The following PIK3AP1 variants were observed in gnomAD, a reference collection of about 807,000 sequenced individuals.
PIK3AP1 encodes phosphoinositide-3-kinase adaptor protein 1.
A neutral mutation model predicts 88.1 loss-of-function variants in PIK3AP1; 21 were observed. The observed-to-expected ratio is 0.24, with a 90% CI of 0.17 to 0.34. The LOEUF (loss-of-function observed/expected upper bound fraction) is 0.34. Among genes scored for constraint, PIK3AP1 ranks in the 10% least tolerant of loss-of-function variants. The pLI is 1.00. For synonymous variants in PIK3AP1, 398 were observed against 400.0 expected, an observed-to-expected ratio of 1.00 and a Z score of 0.06; for missense variants, 828 against 1,035.7, an observed-to-expected ratio of 0.80 and a Z score of 2.75.
chr10:96,702,293 C>T lies in PIK3AP1; in HGVS notation c.430+7274G>A, dbSNP rs557805994. Among the ~76,000 whole-genome samples the T allele has an allele frequency of 5.9e-5, 9 of 152,142 alleles. No homozygotes were observed. The East Asian group carries it at 1.7e-3, about 29-fold the overall frequency. On this transcript the variant is annotated intron_variant, in intron 2 of 16. Coordinates refer to ENST00000339364, the MANE Select transcript of PIK3AP1 (RefSeq NM_152309.3). The stretch of plus-strand genomic sequence containing the variant: ...AGGCGGGAGGATCATGAGGTCAAGA[C>T]ATCGAGACCATCCTGGCCAACATGG...
chr10:96,609,119 G>A (rs1849059029), intron 14 of PIK3AP1, among the ~76,000 whole-genome samples: 1 of 152,222 alleles, frequency 6.6e-6, no homozygotes, highest in Non-Finnish European at 1.5e-5. Context: ...TGTAAAGTTG[G>A]AATGTTCAAA....
At chr10:96,617,792 C>A (rs1220772661) in intron 12 of PIK3AP1, among the ~76,000 whole-genome samples, 1 of 152,118 alleles carries the variant, frequency 6.6e-6, no homozygotes, top group Non-Finnish European at 1.5e-5. Context: ...CTGTGATGAG[C>A]ACAGAGAGGC....
Position 96,628,889 on chromosome 10 carries a change from C to CACACACACATATATAT in PIK3AP1, c.1376-397_1376-396insATATATATGTGTGTGT, listed in dbSNP as rs1554955372. ...ACATATATACACATATATATATATA[C>CACACACACATATATAT]ATATATATATATATATATGTGTATA... On this transcript the variant is annotated intron_variant, in intron 8 of 16. Coordinates refer to ENST00000339364, the MANE Select transcript of PIK3AP1 (RefSeq NM_152309.3). Among the ~76,000 whole-genome samples, 32 of 60,832 alleles carry CACACACACATATATAT rather than the reference C, an allele frequency of 5.3e-4. 1 individual carries two copies. The highest frequency in any genetic ancestry group is 1.7e-3 in the African/African-American group (29 of 16,778). 39.9% of individuals were successfully genotyped at this position (60,832 alleles called of 152,430 possible).
chr10:96,607,036 T>A (rs1011593350), intron 14 of PIK3AP1, among the ~76,000 whole-genome samples: 1 of 152,246 alleles, frequency 6.6e-6, no homozygotes, highest in Non-Finnish European at 1.5e-5. Flanking sequence ...CACTAATATC[T>A]GGCGCTTGAA....
rs1589556542 is a variant in PIK3AP1, at chr10:96,720,017, A to C, written c.13+365T>G. Reference sequence around the variant, plus strand: ...CCAGGAGACGCGTTTGGCCCTGTAGACCATCCACATCGCCCGCCCTCCGCT... The same window carrying C: ...CCAGGAGACGCGTTTGGCCCTGTAGCCCATCCACATCGCCCGCCCTCCGCT... On this transcript the variant is annotated intron_variant, in intron 1 of 16. Coordinates refer to ENST00000339364, the MANE Select transcript of PIK3AP1 (RefSeq NM_152309.3). The surrounding 1 kb of genome is among the most constrained non-coding windows in gnomAD (Gnocchi z 4.6). 6.6e-6 allele frequency among the ~76,000 whole-genome samples: 1 copy of C among 152,104 alleles called. No homozygotes were observed. Among genetic ancestry groups the C allele is most frequent in the Non-Finnish European group, 1.5e-5 (1 of 68,016 alleles).
intron 8 of PIK3AP1, among the ~76,000 whole-genome samples, chr10:96,634,321 G>A (rs572137591): frequency 6.6e-6 from 1 of 152,322 alleles, no homozygotes; most frequent in East Asian, 1.9e-4. Flanking sequence ...GTACGGACAA[G>A]GGCTAGAGTC....
At chr10:96,662,808 G>A (rs1238150705) in intron 2 of PIK3AP1, among the ~76,000 whole-genome samples, 1 of 146,062 alleles carries the variant, frequency 6.8e-6, no homozygotes, top group African/African-American at 2.6e-5. Context: ...CGTGAACCGG[G>A]GAAGCGGAGC....
intron 4 of PIK3AP1, 52 bp downstream of exon 4, chr10:96,652,646 A>G: frequency 6.3e-7 from 1 of 1,590,716 alleles, no homozygotes; most frequent in Non-Finnish European, 8.6e-7. Flanking sequence ...GTGACAGCAT[A>G]GCAAATAAGC....
Position 96,620,557 on chromosome 10 carries a change from C to T in PIK3AP1, c.1736G>A (p.Gly579Glu). 1 of 1,611,628 alleles carries T rather than the reference C, an allele frequency of 6.2e-7. No individual in the cohort carries two copies. Among genetic ancestry groups the T allele is most frequent in the East Asian group, 2.2e-5 (1 of 44,848 alleles). ...GTCCCTCCATGGTCTGACGGGCGGC[C>T]CTGGAAAGGATGGCAAAACTCAGCT... ...FYVSSESIRK[G>E]PPVRPWRDRP... Residue 579 changes from glycine (G) to glutamate (E), a missense_variant and splice_region_variant, in exon 12 of 17, where the codon GGG (glycine) becomes GAG (glutamate). By Grantham distance (98) the Gly-to-Glu change is moderately conservative. Transcript: ENST00000339364.
intron 2 of PIK3AP1, among the ~76,000 whole-genome samples, chr10:96,705,755 G>T (rs542492478): frequency 6.6e-6 from 1 of 150,850 alleles, no homozygotes; most frequent in South Asian, 2.1e-4. Context: ...GCTAATTTTT[G>T]TATTTTTTGT....
chr10:96,648,963 C>G (rs1843498633), intron 6 of PIK3AP1, 108 bp from the exon 7 acceptor site: 2 of 864,846 alleles, frequency 2.3e-6, no homozygotes, highest in South Asian at 4.0e-5. Context: ...AGAAAGCACT[C>G]AGCCATTACT....
In PIK3AP1 at chr10:96,609,885, A is replaced by C; in HGVS notation, c.2015-18T>G. The C allele has an allele frequency of 6.2e-7, 1 of 1,613,362 alleles. No individual in the cohort carries two copies. ...CTCCAAGTCTGGAATTGGAGGAAAG[A>C]GGGATAAGCTGTCAAGATACCAGAC... On this transcript the variant is annotated intron_variant, in intron 13 of 16. Coordinates refer to ENST00000339364, the MANE Select transcript of PIK3AP1 (RefSeq NM_152309.3).
At chr10:96,668,667 G>A (rs1014022094) in intron 2 of PIK3AP1, among the ~76,000 whole-genome samples, 1 of 152,180 alleles carries the variant, frequency 6.6e-6, no homozygotes, top group Non-Finnish European at 1.5e-5. Context: ...AAGTAGGGGG[G>A]TATCGTGGTT....
intron 14 of PIK3AP1, 83 bp from the exon 15 acceptor site, chr10:96,604,132 T>G: frequency 1.7e-6 from 2 of 1,160,850 alleles, no homozygotes; most frequent in South Asian, 2.9e-5. Flanking sequence ...TTATTTAGTT[T>G]TATTGATATA....
intron 2 of PIK3AP1, among the ~76,000 whole-genome samples, chr10:96,703,744 C>T (rs992256687): frequency 1.3e-5 from 2 of 152,144 alleles, no homozygotes; most frequent in Admixed American, 6.5e-5. Context: ...TCACTGCAAA[C>T]GTTTTGGAAC....
chr10:96,686,391 G>A lies in PIK3AP1; in HGVS notation c.430+23176C>T, dbSNP rs779016623. 6.8e-4 allele frequency among the ~76,000 whole-genome samples: 104 copies of A among 152,242 alleles called. 1 individual carries two copies. Among genetic ancestry groups the A allele is most frequent in the Non-Finnish European group, 5.6e-4 (38 of 68,020 alleles). On this transcript the variant is annotated intron_variant, in intron 2 of 16. Coordinates refer to ENST00000339364, the MANE Select transcript of PIK3AP1 (RefSeq NM_152309.3). The stretch of plus-strand genomic sequence containing the variant: ...CTACTGGATTTACACACTCTAGCTC[G>A]GGAACCAAACTGGAATTCAGGAGAC...
intron 1 of PIK3AP1, among the ~76,000 whole-genome samples, chr10:96,719,206 C>T (rs1433439215): frequency 6.6e-6 from 1 of 152,176 alleles, no homozygotes; most frequent in African/African-American, 2.4e-5. Flanking sequence ...CTTTAATGAG[C>T]CTGTAGTACA....
At chr10:96,688,490 A>G (rs1332442363) in intron 2 of PIK3AP1, among the ~76,000 whole-genome samples, 1 of 152,194 alleles carries the variant, frequency 6.6e-6, no homozygotes, top group East Asian at 1.9e-4. Flanking sequence ...CATGTACACC[A>G]TGATGTTTAA....
chr10:96,709,736 C>T lies in PIK3AP1; in HGVS notation c.261G>A (p.Leu87=). The part of the protein sequence containing the change: ...QHFHKPALLP[L]LQRAFHPPHR... ...GCGGAGGATGGAAAGCTCTCTGCAG[C>T]AGGGGCAGCAAGGCGGGCTTGTGGA... Residue 87 remains leucine, a synonymous_variant, in exon 2 of 17, where the codon CTG becomes CTA. Transcript: ENST00000339364. The T allele has an allele frequency of 6.2e-7, 1 of 1,614,126 alleles. No individual in the cohort carries two copies. Among genetic ancestry groups the T allele is most frequent in the Non-Finnish European group, 8.5e-7 (1 of 1,179,992 alleles).
Sources: gnomAD v4.1 joint callset for allele counts (sites outside exome capture counted in the v4.1 genomes callset) on GRCh38, gnomAD v4.1.1 for gene constraint, Gnocchi (gnomAD v3.1) non-coding constraint, MANE v1.5 for transcripts, NCBI Gene and HGNC (gene_info 2026-07-23, HGNC 2026-07-21) for gene names.